The following RUNDC3B variants were observed in gnomAD, a reference collection of about 807,000 sequenced individuals.
RUNDC3B encodes the protein RUN domain containing 3B.
In RUNDC3B, 33 loss-of-function variants were observed where a neutral mutation model predicts 58.4. The ratio of observed to expected loss-of-function variants is 0.56; its 90% CI spans 0.43 to 0.75. The LOEUF (loss-of-function observed/expected upper bound fraction) is 0.75. Among genes scored for constraint, RUNDC3B ranks in the 30% least tolerant of loss-of-function variants. The pLI, the probability that RUNDC3B is intolerant of heterozygous loss-of-function variation, is 0.00. For missense variants in RUNDC3B, 501 were observed against 535.7 expected, an observed-to-expected ratio of 0.94 and a Z score of 0.64; for synonymous variants, 193 against 195.2, an observed-to-expected ratio of 0.99 and a Z score of 0.10.
chr7:87,823,055 TAAAA>T (rs960579392), intron 10 of RUNDC3B, among the ~76,000 whole-genome samples: 1 of 150,890 alleles, frequency 6.6e-6, no homozygotes, highest in African/African-American at 2.4e-5. Context: ...AAAATAAAAT[TAAAA>T]AAAAAGATCA....
chr7:87,687,516 A>C (rs551496800), intron 2 of RUNDC3B, among the ~76,000 whole-genome samples: 3 of 151,934 alleles, frequency 2.0e-5, no homozygotes, highest in African/African-American at 7.2e-5. Flanking sequence ...ATCTTTCTTC[A>C]CCTCCACTAA....
intron 5 of RUNDC3B, among the ~76,000 whole-genome samples, chr7:87,740,336 T>TA (rs1019442377): frequency 0.016 from 2,359 of 148,620 alleles, 27 homozygotes; most frequent in Non-Finnish European, 0.024. Flanking sequence ...TGGAGAATAT[T>TA]AAAAAAAAAA....
intron 8 of RUNDC3B, among the ~76,000 whole-genome samples, chr7:87,799,885 C>CAAAAAA (rs763617668): frequency 1.2e-4 from 7 of 59,306 alleles, no homozygotes; most frequent in African/African-American, 1.1e-4. Flanking sequence ...GACTCCGTCT[C>CAAAAAA]AAAAAAAAAA....
At chr7:87,686,738 G>C (rs1192462809) in intron 2 of RUNDC3B, among the ~76,000 whole-genome samples, 2 of 149,870 alleles carry the variant, frequency 1.3e-5, no homozygotes, top group African/African-American at 4.9e-5. Context: ...CCAGGAGTTT[G>C]AGACCCACCT....
intron 9 of RUNDC3B, 49 bp downstream of exon 9, chr7:87,807,568 A>G: frequency 7.6e-7 from 1 of 1,322,072 alleles, no homozygotes; most frequent in Non-Finnish European, 1.1e-6. Flanking sequence ...AGTTGTACCA[A>G]AACATATGGC....
intron 2 of RUNDC3B, among the ~76,000 whole-genome samples, chr7:87,677,274 A>AACACACACACAC (rs57009840): frequency 5.2e-5 from 7 of 135,896 alleles, no homozygotes; most frequent in African/African-American, 1.7e-4. Context: ...CAGTGTATAT[A>AACACACACACAC]ACACACACAC....
chr7:87,736,889 ATTTT>A (rs869109911), intron 4 of RUNDC3B, among the ~76,000 whole-genome samples: 20 of 28,186 alleles, frequency 7.1e-4, no homozygotes, highest in South Asian at 2.1e-3. Context: ...ATATATATAT[ATTTT>A]TTTTTTTTTT....
At chr7:87,804,059 A>G (rs1022740430) in intron 8 of RUNDC3B, among the ~76,000 whole-genome samples, 1 of 152,164 alleles carries the variant, frequency 6.6e-6, no homozygotes, top group Non-Finnish European at 1.5e-5. Flanking sequence ...ATATTTAAAT[A>G]ATTGATTATT....
chr7:87,810,567 T>TTG (rs754483477), intron 9 of RUNDC3B, among the ~76,000 whole-genome samples: 1 of 152,310 alleles, frequency 6.6e-6, no homozygotes, highest in Admixed American at 6.5e-5. Context: ...AGTGTGTTGT[T>TTG]TGATTTAATG....
chr7:87,701,855 A>T (rs1829067558), intron 3 of RUNDC3B, among the ~76,000 whole-genome samples: 3 of 152,274 alleles, frequency 2.0e-5, no homozygotes, highest in Admixed American at 2.0e-4. Context: ...TGTAAAACAG[A>T]GATACTGGCC....
chr7:87,639,748 TCTTTTA>T (rs1482894956), intron 1 of RUNDC3B, among the ~76,000 whole-genome samples: 1 of 152,126 alleles, frequency 6.6e-6, no homozygotes, highest in Non-Finnish European at 1.5e-5. Flanking sequence ...TCTTTTTCCA[TCTTTTA>T]CTTTTACTTT....
intron 4 of RUNDC3B, among the ~76,000 whole-genome samples, chr7:87,714,818 C>T (rs1311951929): frequency 6.6e-6 from 1 of 152,000 alleles, no homozygotes; most frequent in East Asian, 1.9e-4. Context: ...GGTCGCATTC[C>T]ATTCCTAGAG....
intron 2 of RUNDC3B, among the ~76,000 whole-genome samples, chr7:87,688,536 T>G (rs1827702094): frequency 1.3e-5 from 2 of 152,000 alleles, no homozygotes; most frequent in Admixed American, 1.3e-4. Context: ...AAAAAACTAT[T>G]TATTATGTGG....
chr7:87,801,848 G>A (rs1437043930), intron 8 of RUNDC3B, among the ~76,000 whole-genome samples: 1 of 152,184 alleles, frequency 6.6e-6, no homozygotes, highest in African/African-American at 2.4e-5. Context: ...AAAGTCATGT[G>A]ATAAATCTTC....
chr7:87,715,486 A>G (rs1830504893), intron 4 of RUNDC3B, among the ~76,000 whole-genome samples: 1 of 132,470 alleles, frequency 7.5e-6, no homozygotes, highest in Non-Finnish European at 1.6e-5. Flanking sequence ...ATATATAAAT[A>G]ATACATATAA....
chr7:87,830,250 A>G lies in RUNDC3B; in HGVS notation c.*220A>G, dbSNP rs1838060206. On this transcript the variant is annotated 3_prime_UTR_variant, in exon 11 of 11. Coordinates refer to ENST00000394654, the MANE Select transcript of RUNDC3B (RefSeq NM_001134405.2). ...CTTACATTTGTCATTGAGAAAGTTC[A>G]AAATGGAATAGGCTTTAAAAAAAAA... The G allele has an allele frequency of 5.9e-6, 2 of 338,386 alleles. No individual in the cohort carries two copies. Among genetic ancestry groups the G allele is most frequent in the East Asian group, 9.1e-5 (2 of 21,962 alleles). The allele number at this position is 338,386 out of a possible 1,614,324, so 21.0% of individuals were successfully genotyped here.
At chr7:87,766,064 C>T (rs1351903644) in intron 6 of RUNDC3B, among the ~76,000 whole-genome samples, 1 of 151,938 alleles carries the variant, frequency 6.6e-6, no homozygotes, top group Non-Finnish European at 1.5e-5. Flanking sequence ...TTGTCTTTTT[C>T]ACTGTTGTTG....
intron 1 of RUNDC3B, among the ~76,000 whole-genome samples, chr7:87,640,333 T>C (rs1051716776): frequency 6.6e-6 from 1 of 151,892 alleles, no homozygotes; most frequent in African/African-American, 2.4e-5. Context: ...AAATTTTGGT[T>C]ATTATCTTCT....
At chr7:87,639,953 G>A (rs986624509) in intron 1 of RUNDC3B, among the ~76,000 whole-genome samples, 1 of 150,770 alleles carries the variant, frequency 6.6e-6, no homozygotes, top group Admixed American at 6.6e-5. Flanking sequence ...CTCTTTTCTT[G>A]CCTTCTTAAA....
Sources: gnomAD v4.1 joint callset for allele counts (sites outside exome capture counted in the v4.1 genomes callset) on GRCh38, gnomAD v4.1.1 for gene constraint, MANE v1.5 for transcripts, NCBI Gene and HGNC (gene_info 2026-07-23, HGNC 2026-07-21) for gene names.